NEGR1: variants seen among roughly 807,000 people sequenced by gnomAD.
NEGR1 encodes neuronal growth regulator 1.
Under a neutral mutation model 40.9 loss-of-function variants are expected in NEGR1, and 10 were observed. The observed-to-expected ratio is 0.24, with a 90% CI of 0.15 to 0.42. The LOEUF (loss-of-function observed/expected upper bound fraction) is 0.42. Ranked by LOEUF, NEGR1 falls within the 10% of genes least tolerant of loss-of-function variation. The probability of loss-of-function intolerance (pLI) is 1.00; values close to 1 mark genes in which losing one functional copy is unlikely to be tolerated. For synonymous variants in NEGR1, 185 were observed against 166.8 expected (o/e 1.11, Z -0.84); for missense variants, 352 against 438.9 (o/e 0.80, Z 1.77).
intron 5 of NEGR1, among the ~76,000 whole-genome samples, chr1:71,602,157 C>T (rs1216886424): frequency 6.6e-6 from 1 of 151,718 alleles, no homozygotes; most frequent in Non-Finnish European, 1.5e-5. Flanking sequence ...GATTTCATAT[C>T]CTGCACACCA....
At chr1:71,677,399 T>C (rs575345708) in intron 4 of NEGR1, among the ~76,000 whole-genome samples, 1 of 152,334 alleles carries the variant, frequency 6.6e-6, no homozygotes, top group African/African-American at 2.4e-5. Context: ...AATGATTATG[T>C]ACTATAATTA....
At chr1:72,121,145 G>A (rs546596764) in intron 1 of NEGR1, among the ~76,000 whole-genome samples, 1 of 151,854 alleles carries the variant, frequency 6.6e-6, no homozygotes, top group African/African-American at 2.4e-5. Flanking sequence ...ATTTTATTGT[G>A]TTACATCTTT....
At chr1:71,996,498 T>C (rs1646505697) in intron 1 of NEGR1, among the ~76,000 whole-genome samples, 1 of 152,118 alleles carries the variant, frequency 6.6e-6, no homozygotes, top group Non-Finnish European at 1.5e-5. Context: ...TTCTATGCCA[T>C]TGAAAAGATC....
intron 1 of NEGR1, among the ~76,000 whole-genome samples, chr1:72,126,105 G>A (rs1041187604): frequency 1.5e-4 from 22 of 147,474 alleles, no homozygotes; most frequent in Non-Finnish European, 2.7e-4. Flanking sequence ...GTGTGTGTGT[G>A]TGTGTGTGTG....
At chr1:71,689,541 T>C (rs1253311186) in intron 4 of NEGR1, among the ~76,000 whole-genome samples, 1 of 152,136 alleles carries the variant, frequency 6.6e-6, no homozygotes, top group East Asian at 1.9e-4. Flanking sequence ...TATCACCTAG[T>C]AAATTTTGAA....
chr1:71,469,506 A>G (rs1457463897), intron 6 of NEGR1, among the ~76,000 whole-genome samples: 4 of 152,054 alleles, frequency 2.6e-5, no homozygotes, highest in Admixed American at 6.6e-5. Flanking sequence ...ATCTACAGGA[A>G]AATAGGGGGC....
chr1:71,836,158 G>A (rs76194924), intron 2 of NEGR1, among the ~76,000 whole-genome samples: 2,338 of 151,934 alleles, frequency 0.015, 55 homozygotes, highest in South Asian at 0.11. Context: ...ATCCAGGCAT[G>A]TTAAATCTAC....
intron 1 of NEGR1, among the ~76,000 whole-genome samples, chr1:72,196,086 T>C (rs1652990761): frequency 6.6e-6 from 1 of 151,994 alleles, no homozygotes; most frequent in African/African-American, 2.4e-5. Context: ...AAGGAGCGTA[T>C]TGTGGAGAAG....
chr1:71,558,974 T>C (rs2101477674), intron 6 of NEGR1, among the ~76,000 whole-genome samples: 1 of 148,770 alleles, frequency 6.7e-6, no homozygotes, highest in East Asian at 2.0e-4. Flanking sequence ...AGTGCATGTA[T>C]ACACATATCA....
chr1:71,558,722 C>CT (rs34141206), intron 6 of NEGR1, among the ~76,000 whole-genome samples: 3,473 of 134,242 alleles, frequency 0.026, 74 homozygotes, highest in African/African-American at 0.054. Flanking sequence ...TCTTTTCTTT[C>CT]TTTTTTTTTT....
At chr1:71,997,282 T>C in intron 1 of NEGR1, among the ~76,000 whole-genome samples, 1 of 152,058 alleles carries the variant, frequency 6.6e-6, no homozygotes. Flanking sequence ...ACTTCCAATT[T>C]ACTTTCCCAA....
intron 1 of NEGR1, among the ~76,000 whole-genome samples, chr1:71,985,340 G>A (rs1407319772): frequency 6.6e-6 from 1 of 152,058 alleles, no homozygotes; most frequent in East Asian, 1.9e-4. Context: ...TTTTAAGTCA[G>A]GAAAACATTT....
Position 72,134,767 on chromosome 1 carries a change from C to T in NEGR1, c.176+147552G>A, listed in dbSNP as rs1410909945. 6.0e-5 allele frequency among the ~76,000 whole-genome samples: 9 copies of T among 150,434 alleles called. No homozygotes were observed. In the East Asian group the frequency reaches 6.0e-4, roughly 10 times the overall value. On this transcript the variant is annotated intron_variant, in intron 1 of 6. Coordinates refer to ENST00000357731, the MANE Select transcript of NEGR1 (RefSeq NM_173808.3). ...TCATTTATTTTTTGAGATGGAGTTT[C>T]GCTCTTGTTGCCCAGGATGGAGTGC... is the stretch of plus-strand genomic sequence containing the variant.
intron 2 of NEGR1, among the ~76,000 whole-genome samples, chr1:71,837,313 A>T (rs546370166): frequency 6.6e-6 from 1 of 152,240 alleles, no homozygotes; most frequent in South Asian, 2.1e-4. Flanking sequence ...CTGACAAAGT[A>T]GATATTATTC....
intron 1 of NEGR1, among the ~76,000 whole-genome samples, chr1:72,094,507 C>T (rs1045410155): frequency 4.6e-5 from 7 of 152,144 alleles, no homozygotes; most frequent in Non-Finnish European, 8.8e-5. Context: ...ACGTCAAAAA[C>T]AACTGCAGAT....
At chr1:71,435,944 A>G (rs367652774) in intron 6 of NEGR1, among the ~76,000 whole-genome samples, 3 of 152,182 alleles carry the variant, frequency 2.0e-5, no homozygotes, top group South Asian at 4.1e-4. Context: ...CAGTCCCTAC[A>G]TGTGTGGTGG....
intron 1 of NEGR1, among the ~76,000 whole-genome samples, chr1:72,001,504 C>A (rs1019655354): frequency 1.3e-5 from 2 of 151,370 alleles, no homozygotes; most frequent in African/African-American, 4.9e-5. Flanking sequence ...CAAATTTGAC[C>A]TATAATCATA....
chr1:71,880,549 A>T (rs960348380), intron 2 of NEGR1, among the ~76,000 whole-genome samples: 9 of 151,948 alleles, frequency 5.9e-5, no homozygotes, highest in Admixed American at 5.9e-4. Flanking sequence ...TTTTGGAAAC[A>T]TTTATTTTTT....
intron 6 of NEGR1, among the ~76,000 whole-genome samples, chr1:71,418,396 C>T (rs1646371169): frequency 1.3e-5 from 2 of 151,996 alleles, no homozygotes; most frequent in South Asian, 4.2e-4. Context: ...TCACTGCATC[C>T]TCTGCCTCTC....
Sources: gnomAD v4.1 joint callset for allele counts (sites outside exome capture counted in the v4.1 genomes callset) on GRCh38, gnomAD v4.1.1 for gene constraint, MANE v1.5 for transcripts, NCBI Gene and HGNC (gene_info 2026-07-23, HGNC 2026-07-21) for gene names.